Variants in ADGB observed in about 807,000 individuals in gnomAD.
The protein encoded by ADGB is androglobin.
ADGB carries 172 observed loss-of-function variants against 210.5 expected under a neutral mutation model. The observed-to-expected ratio is 0.82, with a 90% CI of 0.72 to 0.93. The LOEUF (loss-of-function observed/expected upper bound fraction) is 0.93. ADGB is among the 40% of genes least tolerant of loss of function. The pLI is 0.00. For synonymous variants in ADGB, 658 were observed against 662.7 expected, an observed-to-expected ratio of 0.99 and a Z score of 0.11; for missense variants, 2,025 against 1,964.8, an observed-to-expected ratio of 1.03 and a Z score of -0.58.
In ADGB at chr6:146,807,635, T is replaced by G. The variant is rs1331360196; in HGVS notation, c.4818+5624T>G. 4.8e-6 allele frequency: 7 copies of G among 1,444,026 alleles called. No homozygotes were observed. In the East Asian group the frequency reaches 1.5e-4, roughly 31 times the overall value. 89.5% of individuals were successfully genotyped at this position (1,444,026 alleles called of 1,614,324 possible). A position where few individuals can be genotyped will look rare whatever the true frequency, so the allele number is the denominator to read the frequency against. ...CTGCTTCTGGAGAGAAAAAATTTAT[T>G]TGTAATGATCTTTAACTGCCTGCTG... On this transcript the variant is annotated intron_variant, in intron 35 of 35. Coordinates refer to ENST00000397944, the MANE Select transcript of ADGB (RefSeq NM_024694.4).
chr6:146,635,313 C>T, intron 1 of ADGB, 62 bp from the exon 2 acceptor site: 1 of 1,303,496 alleles, frequency 7.7e-7, no homozygotes, highest in South Asian at 2.3e-5. Context: ...TGCAGTTAAT[C>T]CAATATTTGA....
chr6:146,800,175 T>C (rs2114663890), intron 33 of ADGB, among the ~76,000 whole-genome samples: 1 of 152,270 alleles, frequency 6.6e-6, no homozygotes, highest in South Asian at 2.1e-4. Context: ...AGATTTTTAC[T>C]ATGTAATTTC....
chr6:146,676,818 G>A (rs1257729090), intron 9 of ADGB, among the ~76,000 whole-genome samples: 1 of 152,160 alleles, frequency 6.6e-6, no homozygotes, highest in African/African-American at 2.4e-5. Flanking sequence ...CCTACATCTG[G>A]CTCCTTGCTC....
At chr6:146,765,029 G>A (rs1437223495) in intron 28 of ADGB, among the ~76,000 whole-genome samples, 1 of 152,122 alleles carries the variant, frequency 6.6e-6, no homozygotes, top group African/African-American at 2.4e-5. Context: ...TTGAATGCCT[G>A]ACCTCATGAT....
chr6:146,673,582 A>G (rs1776045197), intron 8 of ADGB, among the ~76,000 whole-genome samples: 1 of 152,160 alleles, frequency 6.6e-6, no homozygotes, highest in Non-Finnish European at 1.5e-5. Context: ...ATAAAAAGCA[A>G]TTCTCTACTT....
At chr6:146,777,866 GC>G (rs1199250527) in intron 29 of ADGB, among the ~76,000 whole-genome samples, 4 of 152,068 alleles carry the variant, frequency 2.6e-5, no homozygotes, top group South Asian at 4.1e-4. Flanking sequence ...AGATTTCTGT[GC>G]CCCTCACCAG....
intron 31 of ADGB, among the ~76,000 whole-genome samples, chr6:146,785,157 T>C (rs1367927548): frequency 6.6e-6 from 1 of 152,128 alleles, no homozygotes; most frequent in African/African-American, 2.4e-5. Context: ...TGCGCAGCCT[T>C]AGATGGATTA....
At chr6:146,620,453 G>T (rs1221126400) in intron 1 of ADGB, among the ~76,000 whole-genome samples, 3 of 151,760 alleles carry the variant, frequency 2.0e-5, no homozygotes, top group Non-Finnish European at 2.9e-5. Flanking sequence ...AATTCTTGTA[G>T]GTTTTCTTCA....
chr6:146,688,315 A>T (rs1370541702), intron 10 of ADGB, among the ~76,000 whole-genome samples: 2 of 152,162 alleles, frequency 1.3e-5, no homozygotes, highest in Non-Finnish European at 2.9e-5. Context: ...GAAAGACATA[A>T]CAGAAACATG....
At chr6:146,793,764 C>T (rs1777991368) in intron 33 of ADGB, among the ~76,000 whole-genome samples, 2 of 152,130 alleles carry the variant, frequency 1.3e-5, no homozygotes, top group African/African-American at 2.4e-5. Flanking sequence ...GAAGCCTTTT[C>T]CTGTAAATGC....
At chr6:146,651,604 C>T (rs1775703393) in intron 3 of ADGB, among the ~76,000 whole-genome samples, 1 of 152,124 alleles carries the variant, frequency 6.6e-6, no homozygotes, top group Admixed American at 6.6e-5. Context: ...AATATTTGCC[C>T]ATCTGCAGCT....
intron 33 of ADGB, among the ~76,000 whole-genome samples, chr6:146,795,493 A>G (rs1471229782): frequency 1.3e-5 from 2 of 152,162 alleles, no homozygotes; most frequent in African/African-American, 4.8e-5. Context: ...TTGGAAAAGG[A>G]CATGAACAGA....
intron 20 of ADGB, among the ~76,000 whole-genome samples, chr6:146,729,146 A>G (rs1250469842): frequency 6.6e-6 from 1 of 152,104 alleles, no homozygotes; most frequent in Non-Finnish European, 1.5e-5. Context: ...CAGGCTGAGC[A>G]GCATTCTAGC....
chr6:146,737,007 T>C (rs1035604785), intron 23 of ADGB, among the ~76,000 whole-genome samples: 11 of 151,778 alleles, frequency 7.2e-5, no homozygotes, highest in African/African-American at 2.7e-4. Flanking sequence ...ATAACTCATG[T>C]CCAACAGTCA....
intron 35 of ADGB, among the ~76,000 whole-genome samples, chr6:146,809,641 C>T (rs540292746): frequency 6.6e-6 from 1 of 152,116 alleles, no homozygotes; most frequent in Non-Finnish European, 1.5e-5. Flanking sequence ...CCACCACATC[C>T]AGCTTAAAAA....
At chr6:146,795,697 G>A (rs1778031214) in intron 33 of ADGB, among the ~76,000 whole-genome samples, 1 of 152,106 alleles carries the variant, frequency 6.6e-6, no homozygotes, top group Non-Finnish European at 1.5e-5. Flanking sequence ...ATTGTTGGTG[G>A]GAGTGTAAAT....
intron 1 of ADGB, among the ~76,000 whole-genome samples, chr6:146,616,242 G>A (rs9497579): frequency 0.6 from 89,346 of 149,354 alleles, 26,687 homozygotes; most frequent in Middle Eastern, 0.66. Context: ...GAGATAATTT[G>A]CCTATTTTTT....
chr6:146,680,748 A>T (rs190134515), intron 9 of ADGB, among the ~76,000 whole-genome samples: 76 of 152,324 alleles, frequency 5.0e-4, no homozygotes, highest in African/African-American at 1.8e-3. Flanking sequence ...CAAATAAGAA[A>T]TGAGTTCAGG....
chr6:146,737,479 A>G (rs1257667884), intron 23 of ADGB, among the ~76,000 whole-genome samples: 1 of 152,186 alleles, frequency 6.6e-6, no homozygotes, highest in African/African-American at 2.4e-5. Flanking sequence ...CAGAAGGTAC[A>G]AAGATAACAG....
Sources: gnomAD v4.1 joint callset for allele counts (sites outside exome capture counted in the v4.1 genomes callset) on GRCh38, gnomAD v4.1.1 for gene constraint, MANE v1.5 for transcripts, NCBI Gene and HGNC (gene_info 2026-07-23, HGNC 2026-07-21) for gene names.